Variants in CDH2 observed in about 807,000 individuals in gnomAD.
CDH2 encodes cadherin-2.
A neutral mutation model predicts 92.0 loss-of-function variants in CDH2; 17 were observed. The observed-to-expected ratio is 0.18, with a 90% confidence interval of 0.13 to 0.28. CDH2 has a LOEUF of 0.28. Ranked by LOEUF, CDH2 falls within the 10% of genes least tolerant of loss-of-function variation. The probability of loss-of-function intolerance (pLI) is 1.00; values close to 1 mark genes in which losing one functional copy is unlikely to be tolerated. For missense variants in CDH2, 862 were observed against 1,133.1 expected (o/e 0.76, Z 3.44); for synonymous variants, 419 against 415.9 (o/e 1.01, Z -0.09).
At chr18:28,134,370 C>A (rs535727601) in intron 2 of CDH2, among the ~76,000 whole-genome samples, 6 of 151,922 alleles carry the variant, frequency 3.9e-5, no homozygotes, top group Non-Finnish European at 8.8e-5. Context: ...GCCTTTCCCC[C>A]ACAAAAAAGA....
chr18:27,994,984 T>C (rs1476938894), intron 7 of CDH2, among the ~76,000 whole-genome samples: 1 of 152,116 alleles, frequency 6.6e-6, no homozygotes, highest in African/African-American at 2.4e-5. Context: ...GTCATTTAAT[T>C]TTTTCTTAAC....
chr18:28,137,670 G>A (rs1022127475), intron 2 of CDH2, among the ~76,000 whole-genome samples: 1 of 152,042 alleles, frequency 6.6e-6, no homozygotes, highest in Non-Finnish European at 1.5e-5. Flanking sequence ...ATAAGTTTAG[G>A]AGACAACCCT....
At chr18:27,946,993 C>T (rs370134290), downstream of CDH2, among the ~76,000 whole-genome samples, 2 of 151,532 alleles carry the variant, frequency 1.3e-5, no homozygotes, top group Admixed American at 1.3e-4. Flanking sequence ...TATGCATAAT[C>T]GTGAAACATA....
intron 2 of CDH2, among the ~76,000 whole-genome samples, chr18:28,094,346 G>A (rs1036612716): frequency 5.9e-5 from 9 of 152,082 alleles, no homozygotes; most frequent in Admixed American, 3.3e-4. Context: ...AAATTAGCCA[G>A]GCATGGTGGT....
Position 27,981,110 on chromosome 18 carries a change from G to A in CDH2, c.2349+1834C>T, listed in dbSNP as rs2012037919. ...GAGAATTTTCTTGGTTCTTGCCTCT[G>A]AGCCTCCAATTTTGGGCAGCATCCA... On this transcript the variant is annotated intron_variant, in intron 14 of 15. Transcript: ENST00000269141. Among the ~76,000 whole-genome samples, 3 of 152,128 alleles carry A rather than the reference G, an allele frequency of 2.0e-5. No homozygotes were observed. In the South Asian group the frequency reaches 6.2e-4, roughly 31 times the overall value.
intron 4 of CDH2, 93 bp from the exon 5 acceptor site, chr18:28,009,965 T>G: frequency 1.1e-6 from 1 of 883,218 alleles, no homozygotes; most frequent in Non-Finnish European, 1.6e-6. Flanking sequence ...CTTTTTCAGC[T>G]ACAAACTTAT....
chr18:27,982,870 A>C, intron 14 of CDH2, 74 bp downstream of exon 14: 1 of 895,598 alleles, frequency 1.1e-6, no homozygotes, highest in South Asian at 2.5e-5. Context: ...TTTCTTACTG[A>C]TGTATTAACA....
chr18:28,087,042 G>A (rs1386491501), intron 2 of CDH2, among the ~76,000 whole-genome samples: 1 of 152,184 alleles, frequency 6.6e-6, no homozygotes, highest in Non-Finnish European at 1.5e-5. Context: ...ATGGCAGGCA[G>A]GCTGAATTTA....
At chr18:28,125,268 T>C (rs1273850760) in intron 2 of CDH2, among the ~76,000 whole-genome samples, 4 of 152,156 alleles carry the variant, frequency 2.6e-5, no homozygotes, top group Non-Finnish European at 5.9e-5. Flanking sequence ...TATTACACAG[T>C]CATTAAATAA....
intron 2 of CDH2, among the ~76,000 whole-genome samples, chr18:28,027,799 C>T (rs2013595396): frequency 6.6e-6 from 1 of 151,652 alleles, no homozygotes; most frequent in Admixed American, 6.6e-5. Flanking sequence ...TTGACAGAAT[C>T]CAGCTAAAAA....
chr18:28,120,102 C>T (rs966717122), intron 2 of CDH2, among the ~76,000 whole-genome samples: 9 of 151,914 alleles, frequency 5.9e-5, no homozygotes, highest in Admixed American at 5.9e-4. Context: ...TTCACACAGC[C>T]AAAACTGCAT....
chr18:28,113,792 CTT>C (rs2015451645), intron 2 of CDH2, among the ~76,000 whole-genome samples: 1 of 152,132 alleles, frequency 6.6e-6, no homozygotes, highest in African/African-American at 2.4e-5. Flanking sequence ...AAAGATGACT[CTT>C]AATGTATATA....
At chr18:28,146,844 A>G (rs1038477639) in intron 2 of CDH2, 1 of 152,156 alleles carries the variant, frequency 6.6e-6, no homozygotes, top group African/African-American at 2.4e-5. Flanking sequence ...TTTGTGGGGA[A>G]TTAAAATTTA....
intron 2 of CDH2, among the ~76,000 whole-genome samples, chr18:28,120,567 G>A (rs1450826935): frequency 6.6e-6 from 1 of 151,918 alleles, no homozygotes; most frequent in African/African-American, 2.4e-5. Flanking sequence ...TTCCTGTAAT[G>A]GTACATGGCC....
intron 2 of CDH2, among the ~76,000 whole-genome samples, chr18:28,031,708 C>T (rs17468324): frequency 0.043 from 6,539 of 152,110 alleles, 164 homozygotes; most frequent in South Asian, 0.07. Flanking sequence ...AGGGGAATCA[C>T]GAGAACTTGG....
intron 1 of CDH2, among the ~76,000 whole-genome samples, chr18:28,159,789 T>A (rs959210305): frequency 6.6e-6 from 1 of 152,096 alleles, no homozygotes; most frequent in South Asian, 2.1e-4. Flanking sequence ...CCTGAATAGC[T>A]GGGACTACAG....
intron 3 of CDH2, among the ~76,000 whole-genome samples, chr18:28,012,608 G>A (rs1375442617): frequency 6.6e-6 from 1 of 152,098 alleles, no homozygotes; most frequent in Non-Finnish European, 1.5e-5. Context: ...TTAGCCATTA[G>A]CCCTTGCTGC....
chr18:28,027,666 T>C (rs567975524), intron 2 of CDH2, among the ~76,000 whole-genome samples: 1 of 152,254 alleles, frequency 6.6e-6, no homozygotes, highest in South Asian at 2.1e-4. Flanking sequence ...GCAGCAAGAT[T>C]ATTGTGTTCT....
At chr18:27,991,355 T>G (rs541806417) in intron 9 of CDH2, among the ~76,000 whole-genome samples, 12 of 152,296 alleles carry the variant, frequency 7.9e-5, no homozygotes, top group African/African-American at 2.9e-4. Flanking sequence ...CTAGACCACC[T>G]TTTAAAAATC....
Sources: gnomAD v4.1 joint callset for allele counts (sites outside exome capture counted in the v4.1 genomes callset) on GRCh38, gnomAD v4.1.1 for gene constraint, MANE v1.5 for transcripts, NCBI Gene and HGNC (gene_info 2026-07-23, HGNC 2026-07-21) for gene names.